The following CSMD2 variants were observed in gnomAD, a reference collection of about 807,000 sequenced individuals.
CSMD2 encodes the protein CUB and Sushi multiple domains 2, also known as CUB and sushi domain-containing protein 2.
A neutral mutation model predicts 398.5 loss-of-function variants in CSMD2; 130 were observed. That is an observed-to-expected ratio of 0.33 (90% CI 0.28 to 0.38). CSMD2 has a LOEUF of 0.38. CSMD2 is among the 10% of genes least tolerant of loss of function. The pLI is 1.00. For synonymous variants in CSMD2, 1,828 were observed against 1,908.5 expected, an observed-to-expected ratio of 0.96 and a Z score of 1.10; for missense variants, 3,829 against 4,764.9, an observed-to-expected ratio of 0.80 and a Z score of 5.78.
At chr1:33,931,712 A>C (rs563522171) in intron 4 of CSMD2, among the ~76,000 whole-genome samples, 1 of 152,292 alleles carries the variant, frequency 6.6e-6, no homozygotes, top group Admixed American at 6.5e-5. Flanking sequence ...TAAGAGACAG[A>C]CTGGAAAGAT....
At chr1:33,562,103 A>T (rs1330755992) in intron 53 of CSMD2, among the ~76,000 whole-genome samples, 1 of 152,132 alleles carries the variant, frequency 6.6e-6, no homozygotes, top group African/African-American at 2.4e-5. Flanking sequence ...TCACAGAGCC[A>T]AGAGCCTCAA....
intron 2 of CSMD2, among the ~76,000 whole-genome samples, chr1:34,086,031 AAAAAG>A (rs1462268142): frequency 2.0e-5 from 3 of 151,702 alleles, no homozygotes; most frequent in African/African-American, 7.3e-5. Flanking sequence ...AAAAAAAAAA[AAAAAG>A]AAAGAAAGAA....
At chr1:33,678,662 C>T (rs1262030127) in intron 25 of CSMD2, among the ~76,000 whole-genome samples, 3 of 147,736 alleles carry the variant, frequency 2.0e-5, no homozygotes, top group Non-Finnish European at 4.4e-5. Flanking sequence ...TATCAAATGC[C>T]CCCCTCTAAG....
chr1:33,533,581 C>T lies in CSMD2; in HGVS notation c.9991+215G>A, dbSNP rs1423770981. 6.6e-6 allele frequency among the ~76,000 whole-genome samples: 1 copy of T among 151,520 alleles called. No homozygotes were observed. The highest frequency in any genetic ancestry group is 1.5e-5 in the Non-Finnish European group (1 of 67,900). Reference sequence around the variant, plus strand: ...TGCTGCTGCCACTGGATAGTTTTTTCTTTGCTAAGGCATAGGGATTGCCTT... The same window carrying T: ...TGCTGCTGCCACTGGATAGTTTTTTTTTTGCTAAGGCATAGGGATTGCCTT... On this transcript the variant is annotated intron_variant, in intron 63 of 70. Transcript: ENST00000373381. The surrounding 1 kb of genome is among the most constrained non-coding windows in gnomAD (Gnocchi z 4.2).
intron 6 of CSMD2, among the ~76,000 whole-genome samples, chr1:33,842,120 T>C (rs1660912733): frequency 6.6e-6 from 1 of 152,158 alleles, no homozygotes; most frequent in Non-Finnish European, 1.5e-5. Flanking sequence ...TCTTTGTTAA[T>C]ATCATTTTGC....
intron 14 of CSMD2, among the ~76,000 whole-genome samples, chr1:33,742,585 C>T (rs1019456935): frequency 2.8e-5 from 4 of 140,822 alleles, no homozygotes; most frequent in Non-Finnish European, 4.6e-5. Flanking sequence ...CTGCCCCCCC[C>T]CCCCCAACCC....
intron 5 of CSMD2, among the ~76,000 whole-genome samples, chr1:33,907,576 A>T (rs1474334617): frequency 6.6e-6 from 1 of 152,180 alleles, no homozygotes; most frequent in Non-Finnish European, 1.5e-5. Context: ...AGAAATTCCC[A>T]GGGATGCTAG....
chr1:33,517,007 A>T (rs1557467293), intron 70 of CSMD2, among the ~76,000 whole-genome samples: 1 of 151,954 alleles, frequency 6.6e-6, no homozygotes, highest in Non-Finnish European at 1.5e-5. Flanking sequence ...CTCATTTTTG[A>T]TACTTTTTTT....
Position 34,074,324 on chromosome 1 carries a change from T to C in CSMD2, c.404+14653A>G, listed in dbSNP as rs1256858259. Among the ~76,000 whole-genome samples, 4 of 152,244 alleles carry C rather than the reference T, an allele frequency of 2.6e-5. No individual in the cohort carries two copies. In the East Asian group the frequency reaches 7.7e-4, roughly 29 times the overall value. On this transcript the variant is annotated intron_variant, in intron 2 of 70. Coordinates refer to ENST00000373381, the MANE Select transcript of CSMD2 (RefSeq NM_001281956.2). ...ACAATGTCTATTTAAAACCTTTCAT[T>C]GTGAACCATCTTTCTTAGAAATGTA...
intron 52 of CSMD2, among the ~76,000 whole-genome samples, chr1:33,568,557 C>T (rs971038183): frequency 6.6e-6 from 1 of 152,226 alleles, no homozygotes; most frequent in Non-Finnish European, 1.5e-5. Context: ...GCAGTCAAAA[C>T]CTGGCTGTGT....
At chr1:33,892,819 C>A (rs552383297) in intron 5 of CSMD2, among the ~76,000 whole-genome samples, 1 of 152,284 alleles carries the variant, frequency 6.6e-6, no homozygotes, top group Non-Finnish European at 1.5e-5. Context: ...TTGCTGTAAG[C>A]AAATTCAGTA....
intron 25 of CSMD2, among the ~76,000 whole-genome samples, chr1:33,677,499 C>T (rs1332817881): frequency 4.6e-5 from 7 of 152,188 alleles, no homozygotes; most frequent in Non-Finnish European, 7.3e-5. Context: ...AACACTTTTA[C>T]ACTGTTGGTG....
intron 13 of CSMD2, among the ~76,000 whole-genome samples, chr1:33,746,144 A>G (rs1396875973): frequency 6.6e-6 from 1 of 152,178 alleles, no homozygotes; most frequent in Non-Finnish European, 1.5e-5. Context: ...CTGAAGATTC[A>G]TCTGTCGACT....
At chr1:34,039,049 G>A (rs891971087) in intron 2 of CSMD2, among the ~76,000 whole-genome samples, 56 of 152,166 alleles carry the variant, frequency 3.7e-4, no homozygotes, top group African/African-American at 1.3e-3. Context: ...TATCACGAGT[G>A]TCTCAACGTT....
In CSMD2 at chr1:33,624,746, C is replaced by T. The variant is rs918510852; in HGVS notation, c.5501-103G>A. 7.6e-6 allele frequency: 11 copies of T among 1,446,224 alleles called. No individual in the cohort carries two copies. The African/African-American group carries it at 1.1e-4, about 15-fold the overall frequency. The allele number at this position is 1,446,224 out of a possible 1,614,324, so 89.6% of individuals were successfully genotyped here. ...CCCCCAGCCTCTGTTTGTCCTCCTC[C>T]CCATGGGGGTGTCTCCCTAATGTCC... On this transcript the variant is annotated intron_variant, in intron 34 of 70. Coordinates refer to ENST00000373381, the MANE Select transcript of CSMD2 (RefSeq NM_001281956.2). This position sits in a 1 kb window ranked among gnomAD's most constrained non-coding sequence, Gnocchi z 4.7.
intron 6 of CSMD2, among the ~76,000 whole-genome samples, chr1:33,831,762 A>C (rs1198827016): frequency 1.3e-5 from 2 of 152,066 alleles, no homozygotes; most frequent in Non-Finnish European, 2.9e-5. Flanking sequence ...GTATTCAGGA[A>C]ACCCATCTCA....
At chr1:33,949,564 G>C (rs945421130) in intron 3 of CSMD2, among the ~76,000 whole-genome samples, 1 of 152,236 alleles carries the variant, frequency 6.6e-6, no homozygotes, top group East Asian at 1.9e-4. Context: ...AATGGACTCA[G>C]ACCTTGTCCC....
intron 25 of CSMD2, among the ~76,000 whole-genome samples, chr1:33,665,848 C>T (rs1245844698): frequency 6.6e-6 from 1 of 152,204 alleles, no homozygotes; most frequent in Non-Finnish European, 1.5e-5. Flanking sequence ...TTTACTCCCT[C>T]CGTAGCATCT....
Position 33,577,277 on chromosome 1 carries a change from C to T in CSMD2, c.7576+19G>A. 2 of 1,585,658 alleles carry T rather than the reference C, an allele frequency of 1.3e-6. No homozygotes were observed. The highest frequency in any genetic ancestry group is 1.7e-6 in the Non-Finnish European group (2 of 1,161,948). On this transcript the variant is annotated intron_variant, in intron 49 of 70. Transcript: ENST00000373381. The stretch of plus-strand genomic sequence containing the variant: ...TGGATCCGAGCTACCTTGTGACCCC[C>T]TTTCCACCTGCTTCTCACCTTGACA...
Sources: allele counts gnomAD v4.1 joint callset (sites outside exome capture counted in the v4.1 genomes callset), GRCh38; gene constraint gnomAD v4.1.1; non-coding constraint Gnocchi (gnomAD v3.1); transcripts MANE v1.5; gene names NCBI Gene and HGNC (gene_info 2026-07-23, HGNC 2026-07-21).